GRM8: variants seen among roughly 807,000 people sequenced by gnomAD.
GRM8 encodes metabotropic glutamate receptor 8.
GRM8 carries 47 observed loss-of-function variants against 87.2 expected under a neutral mutation model. The observed-to-expected ratio is 0.54, with a 90% confidence interval of 0.43 to 0.69. GRM8 has a LOEUF of 0.69. Among genes scored for constraint, GRM8 ranks in the 30% least tolerant of loss-of-function variants. The pLI is 0.00. For missense variants in GRM8, 1,019 were observed against 1,139.2 expected, an observed-to-expected ratio of 0.89 and a Z score of 1.52; for synonymous variants, 396 against 404.5, an observed-to-expected ratio of 0.98 and a Z score of 0.25.
chr7:126,929,893 ACTT>A (rs1805584831), intron 3 of GRM8, among the ~76,000 whole-genome samples: 1 of 152,190 alleles, frequency 6.6e-6, no homozygotes, highest in Non-Finnish European at 1.5e-5. Context: ...AGAAACTTAA[ACTT>A]AAGGAGGACC....
intron 2 of GRM8, among the ~76,000 whole-genome samples, chr7:127,179,719 T>C (rs1794326081): frequency 6.6e-6 from 1 of 152,060 alleles, no homozygotes; most frequent in African/African-American, 2.4e-5. Flanking sequence ...TGCAAATGCA[T>C]GGAAATTAAA....
chr7:126,760,666 C>T (rs1367088842), intron 7 of GRM8, among the ~76,000 whole-genome samples: 1 of 152,012 alleles, frequency 6.6e-6, no homozygotes, highest in African/African-American at 2.4e-5. Flanking sequence ...TAGCAATAAG[C>T]AGAGACTTCA....
intron 2 of GRM8, among the ~76,000 whole-genome samples, chr7:127,156,063 T>C (rs1792709822): frequency 6.6e-6 from 1 of 152,098 alleles, no homozygotes; most frequent in South Asian, 2.1e-4. Context: ...GGTATAAATC[T>C]GGAAACCTAA....
intron 2 of GRM8, among the ~76,000 whole-genome samples, chr7:127,181,767 G>T (rs1328823205): frequency 6.6e-6 from 1 of 152,050 alleles, no homozygotes. Flanking sequence ...TTCAACAAAT[G>T]ATGCTGGATA....
intron 3 of GRM8, among the ~76,000 whole-genome samples, chr7:126,909,951 G>A (rs530314254): frequency 1.1e-4 from 16 of 152,106 alleles, no homozygotes; most frequent in African/African-American, 3.6e-4. Context: ...GTGGCTTAAT[G>A]GTTTAGTGAC....
At chr7:126,987,659 T>TA (rs1812240689) in intron 3 of GRM8, among the ~76,000 whole-genome samples, 1 of 152,030 alleles carries the variant, frequency 6.6e-6, no homozygotes. Context: ...GAGATGGGGT[T>TA]TCACCATGTT....
chr7:126,754,209 A>G (rs1816756085), intron 7 of GRM8, among the ~76,000 whole-genome samples: 1 of 151,880 alleles, frequency 6.6e-6, no homozygotes. Flanking sequence ...CTAAACTTGT[A>G]TATGTCAATT....
intron 6 of GRM8, among the ~76,000 whole-genome samples, chr7:126,882,114 C>T (rs976131030): frequency 6.6e-5 from 10 of 152,152 alleles, no homozygotes; most frequent in African/African-American, 1.9e-4. Flanking sequence ...CAGACGGTGC[C>T]CTGGACAGCA....
chr7:126,691,346 G>A (rs1299495712), intron 7 of GRM8, among the ~76,000 whole-genome samples: 1 of 152,216 alleles, frequency 6.6e-6, no homozygotes. Context: ...CGGGAGTGGG[G>A]AGAGGCCAGG....
chr7:126,771,346 C>T (rs1287067637), intron 6 of GRM8, among the ~76,000 whole-genome samples: 8 of 151,734 alleles, frequency 5.3e-5, no homozygotes, highest in African/African-American at 1.9e-4. Flanking sequence ...TCACTTGTGA[C>T]ACTCTGTGCT....
chr7:127,040,293 A>G (rs943784794), intron 3 of GRM8, among the ~76,000 whole-genome samples: 2 of 152,040 alleles, frequency 1.3e-5, no homozygotes, highest in African/African-American at 2.4e-5. Context: ...TGGGTTTGTC[A>G]GTTTATTACA....
At chr7:127,131,809 C>T (rs1443148967) in intron 2 of GRM8, among the ~76,000 whole-genome samples, 3 of 152,000 alleles carry the variant, frequency 2.0e-5, no homozygotes, top group Non-Finnish European at 1.5e-5. Flanking sequence ...CTATATTACT[C>T]TTATAATTTA....
intron 6 of GRM8, among the ~76,000 whole-genome samples, chr7:126,887,022 A>G (rs989722618): frequency 7.2e-5 from 11 of 152,100 alleles, no homozygotes; most frequent in Admixed American, 6.6e-4. Context: ...GGACGTGGAT[A>G]AGGGCCAGGT....
intron 2 of GRM8, among the ~76,000 whole-genome samples, chr7:127,212,421 T>TTTTTTTTTTTTTTTTTTTTTTTTA (rs1796270072): frequency 7.0e-6 from 1 of 142,342 alleles, no homozygotes. Context: ...TTTTTTTTTT[T>TTTTTTTTTTTTTTTTTTTTTTTTA]TTTTTTTTTT....
intron 3 of GRM8, chr7:127,076,185 A>G (rs1188610809): frequency 2.2e-6 from 1 of 456,558 alleles, no homozygotes; most frequent in Non-Finnish European, 4.4e-6. Flanking sequence ...TTGACATAGT[A>G]TAGCAAAACA....
intron 2 of GRM8, among the ~76,000 whole-genome samples, chr7:127,226,363 T>C (rs188768167): frequency 4.9e-4 from 74 of 152,348 alleles, no homozygotes; most frequent in Non-Finnish European, 8.5e-4. Context: ...TAGCCTTTTA[T>C]AAAAATATTT....
intron 6 of GRM8, among the ~76,000 whole-genome samples, chr7:126,858,208 G>A (rs1034863033): frequency 2.0e-5 from 3 of 152,150 alleles, no homozygotes; most frequent in African/African-American, 7.2e-5. Context: ...TATCTTGGTG[G>A]TTTTGATCTA....
intron 9 of GRM8, among the ~76,000 whole-genome samples, chr7:126,479,663 T>C (rs1472836965): frequency 6.6e-6 from 1 of 152,126 alleles, no homozygotes; most frequent in Non-Finnish European, 1.5e-5. Context: ...TTGACTATTT[T>C]AAATAATGGT....
At chr7:126,820,078 A>G (rs1794161319) in intron 6 of GRM8, among the ~76,000 whole-genome samples, 1 of 152,178 alleles carries the variant, frequency 6.6e-6, no homozygotes, top group African/African-American at 2.4e-5. Flanking sequence ...AACAATTCAA[A>G]TTACATTTAA....
Sources: allele counts gnomAD v4.1 joint callset (sites outside exome capture counted in the v4.1 genomes callset), GRCh38; gene constraint gnomAD v4.1.1; transcripts MANE v1.5; gene names NCBI Gene and HGNC (gene_info 2026-07-23, HGNC 2026-07-21).